The following UBE2K variants were observed in gnomAD, a reference collection of about 807,000 sequenced individuals.
UBE2K encodes the protein ubiquitin conjugating enzyme E2 K.
UBE2K carries 6 observed loss-of-function variants against 30.0 expected under a neutral mutation model. The ratio of observed to expected loss-of-function variants is 0.20; its 90% CI spans 0.11 to 0.39. The LOEUF (loss-of-function observed/expected upper bound fraction) is 0.39, where lower values mean the gene tolerates loss of function less well. UBE2K is among the 10% of genes least tolerant of loss of function. UBE2K has a pLI of 1.00. For synonymous variants in UBE2K, 86 were observed against 83.7 expected, an observed-to-expected ratio of 1.03 and a Z score of -0.15; for missense variants, 61 against 241.6, an observed-to-expected ratio of 0.25 and a Z score of 4.96.
chr4:39,751,699 G>A (rs555732869), intron 3 of UBE2K, among the ~76,000 whole-genome samples: 39 of 151,932 alleles, frequency 2.6e-4, no homozygotes, highest in Non-Finnish European at 5.2e-4. Context: ...AAGGCCACGC[G>A]CAGTGGCTCA....
At chr4:39,718,785 G>A (rs1379402087) in intron 1 of UBE2K, among the ~76,000 whole-genome samples, 4 of 152,254 alleles carry the variant, frequency 2.6e-5, no homozygotes, top group South Asian at 2.1e-4. Context: ...AGGGCCAGTC[G>A]GCCGCTCAGA....
intron 1 of UBE2K, among the ~76,000 whole-genome samples, chr4:39,726,930 T>A (rs368390774): frequency 6.6e-6 from 1 of 152,160 alleles, no homozygotes; most frequent in Non-Finnish European, 1.5e-5. Context: ...ATCTTCTGAG[T>A]TATTTTGCAG....
intron 4 of UBE2K, among the ~76,000 whole-genome samples, chr4:39,756,015 C>G (rs1006343454): frequency 1.4e-4 from 22 of 152,126 alleles, no homozygotes; most frequent in Admixed American, 1.0e-3. Context: ...TCTTTGCTAT[C>G]TTAAGAAGAT....
At chr4:39,703,455 G>A (rs1177844448) in intron 1 of UBE2K, among the ~76,000 whole-genome samples, 2 of 152,094 alleles carry the variant, frequency 1.3e-5, no homozygotes, top group Non-Finnish European at 2.9e-5. Context: ...CAAGGCTGCA[G>A]TGAATTGTGA....
At chr4:39,757,193 T>G (rs987928720) in intron 4 of UBE2K, among the ~76,000 whole-genome samples, 2 of 151,918 alleles carry the variant, frequency 1.3e-5, no homozygotes, top group Non-Finnish European at 2.9e-5. Context: ...GCCCAGCTAA[T>G]TTTTGTATTT....
chr4:39,754,119 G>A (rs1275502115), intron 3 of UBE2K, among the ~76,000 whole-genome samples: 1 of 152,166 alleles, frequency 6.6e-6, no homozygotes, highest in African/African-American at 2.4e-5. Context: ...AATCAGATTT[G>A]TTTTAAAGGG....
Position 39,778,344 on chromosome 4 carries a change from CT to C in UBE2K, c.529-12del, listed in dbSNP as rs757206527. 12 of 1,569,380 alleles carry C rather than the reference CT, an allele frequency of 7.6e-6. No individual in the cohort carries two copies. The highest frequency in any genetic ancestry group is 4.4e-6 in the Non-Finnish European group (5 of 1,143,904). ...TCCTTGAGATTTAATTTCCTGTCCCCTTTTCTTCTCTACAGAATGCAGTAAT... is the reference window on the plus strand; with the variant it reads ...TCCTTGAGATTTAATTTCCTGTCCCCTTTCTTCTCTACAGAATGCAGTAAT... On this transcript the variant is annotated splice_polypyrimidine_tract_variant and intron_variant, in intron 6 of 6. Transcript: ENST00000261427.
chr4:39,714,538 A>ATTTTTTTTT (rs1330301395), intron 1 of UBE2K: 1 of 22,232 alleles, frequency 4.5e-5, no homozygotes, highest in Non-Finnish European at 6.9e-5. Flanking sequence ...ATATATATAT[A>ATTTTTTTTT]TATATATATA....
chr4:39,770,508 C>T, intron 4 of UBE2K: 1 of 1,608,706 alleles, frequency 6.2e-7, no homozygotes, highest in Admixed American at 1.7e-5. Context: ...AGGCAGGGGT[C>T]CCTGGCTGCC....
chr4:39,763,746 ATTTATT>A (rs1342165503), intron 4 of UBE2K, among the ~76,000 whole-genome samples: 7 of 152,110 alleles, frequency 4.6e-5, no homozygotes, highest in Non-Finnish European at 5.9e-5. Context: ...TTGTTTGGAT[ATTTATT>A]TTTATTTTTA....
At chr4:39,754,650 A>G (rs944924791) in intron 3 of UBE2K, among the ~76,000 whole-genome samples, 34 of 152,134 alleles carry the variant, frequency 2.2e-4, no homozygotes, top group African/African-American at 6.8e-4. Context: ...CTGGGAGTAC[A>G]GGTGTGTGCC....
intron 4 of UBE2K, among the ~76,000 whole-genome samples, chr4:39,763,485 G>A (rs768208867): frequency 1.3e-5 from 2 of 151,392 alleles, no homozygotes; most frequent in South Asian, 2.1e-4. Context: ...TCCCAACCTC[G>A]GATCATCTGT....
intron 3 of UBE2K, among the ~76,000 whole-genome samples, chr4:39,751,345 G>T (rs1721242474): frequency 6.6e-6 from 1 of 152,138 alleles, no homozygotes; most frequent in African/African-American, 2.4e-5. Context: ...TATCTACAGA[G>T]AATTCTGTAT....
At chr4:39,736,237 C>T (rs1259120966) in intron 1 of UBE2K, among the ~76,000 whole-genome samples, 4 of 152,112 alleles carry the variant, frequency 2.6e-5, no homozygotes, top group South Asian at 2.1e-4. Context: ...CCAAGGCGGG[C>T]GTATCGCGAG....
chr4:39,761,194 T>G (rs1361935592), intron 4 of UBE2K: 3 of 151,770 alleles, frequency 2.0e-5, no homozygotes, highest in Admixed American at 1.3e-4. Context: ...CCAGACAAGG[T>G]TGGAAACAGA....
intron 3 of UBE2K, among the ~76,000 whole-genome samples, chr4:39,754,346 GTATTT>G (rs1189765453): frequency 1.3e-5 from 2 of 152,174 alleles, no homozygotes; most frequent in Non-Finnish European, 2.9e-5. Flanking sequence ...CTTATTTTCG[GTATTT>G]TAAAGTCATT....
chr4:39,772,164 G>A (rs542616847), intron 4 of UBE2K, among the ~76,000 whole-genome samples: 14 of 152,168 alleles, frequency 9.2e-5, no homozygotes, highest in Non-Finnish European at 2.9e-5. Flanking sequence ...TAGGCATCTA[G>A]GGAAGTACTA....
chr4:39,699,101 A>G (rs376628865), intron 1 of UBE2K, among the ~76,000 whole-genome samples: 47 of 152,288 alleles, frequency 3.1e-4, no homozygotes, highest in African/African-American at 1.0e-3. Context: ...TGACATCTCA[A>G]TCTTTTGAGT....
At chr4:39,733,805 C>T (rs1411659886) in intron 1 of UBE2K, among the ~76,000 whole-genome samples, 1 of 152,162 alleles carries the variant, frequency 6.6e-6, no homozygotes, top group Non-Finnish European at 1.5e-5. Flanking sequence ...AACTAGGATT[C>T]AGCACACATA....
Sources: gnomAD v4.1 joint callset for allele counts (sites outside exome capture counted in the v4.1 genomes callset) on GRCh38, gnomAD v4.1.1 for gene constraint, MANE v1.5 for transcripts, NCBI Gene and HGNC (gene_info 2026-07-23, HGNC 2026-07-21) for gene names.